The following TLE4 variants were observed in gnomAD, a reference collection of about 807,000 sequenced individuals.
TLE4 encodes TLE family member 4, transcriptional corepressor.
In TLE4, 8 loss-of-function variants were observed where a neutral mutation model predicts 92.8. That is an observed-to-expected ratio of 0.09 (90% confidence interval 0.05 to 0.16). The LOEUF is 0.16. Among genes scored for constraint, TLE4 ranks in the 10% least tolerant of loss-of-function variants. The probability of loss-of-function intolerance (pLI) is 1.00; values close to 1 mark genes in which losing one functional copy is unlikely to be tolerated. For synonymous variants in TLE4, 371 were observed against 374.1 expected (o/e 0.99, Z 0.10); for missense variants, 675 against 997.6 (o/e 0.68, Z 4.36).
intron 8 of TLE4, among the ~76,000 whole-genome samples, chr9:79,686,314 TA>T (rs2065835914): frequency 6.6e-6 from 1 of 152,192 alleles, no homozygotes; most frequent in Non-Finnish European, 1.5e-5. Flanking sequence ...AAAACTTTTT[TA>T]AAAGCTTTGA....
intron 5 of TLE4, among the ~76,000 whole-genome samples, chr9:79,626,821 T>C (rs1460464649): frequency 6.6e-6 from 1 of 152,212 alleles, no homozygotes; most frequent in Non-Finnish European, 1.5e-5. Context: ...ATGTTTTTGA[T>C]CTCTTTTTAA....
chr9:79,653,947 T>C, intron 7 of TLE4, 112 bp from the exon 8 acceptor site: 1 of 1,211,016 alleles, frequency 8.3e-7, no homozygotes, highest in Non-Finnish European at 1.2e-6. Context: ...ATTTATTATT[T>C]AGCAGAGATC....
intron 6 of TLE4, among the ~76,000 whole-genome samples, chr9:79,640,883 C>T (rs1258367988): frequency 6.6e-6 from 1 of 152,004 alleles, no homozygotes; most frequent in Non-Finnish European, 1.5e-5. Flanking sequence ...TTTACACACT[C>T]AAGCTTAAAA....
chr9:79,615,898 T>C (rs140387382), intron 5 of TLE4, among the ~76,000 whole-genome samples: 2 of 152,306 alleles, frequency 1.3e-5, no homozygotes, highest in South Asian at 2.1e-4. Context: ...GACAAAGATA[T>C]TGCCAACTCT....
intron 8 of TLE4, among the ~76,000 whole-genome samples, chr9:79,691,724 G>A (rs2067122014): frequency 6.6e-6 from 1 of 152,136 alleles, no homozygotes; most frequent in African/African-American, 2.4e-5. Context: ...CTGTCAGGAG[G>A]TTTGGCTCCA....
At chr9:79,658,298 G>C (rs1048930341) in intron 8 of TLE4, among the ~76,000 whole-genome samples, 1 of 152,122 alleles carries the variant, frequency 6.6e-6, no homozygotes, top group African/African-American at 2.4e-5. Context: ...AGTATGGATG[G>C]TGCACTTTAT....
chr9:79,621,767 T>C (rs927560368), intron 5 of TLE4, among the ~76,000 whole-genome samples: 3 of 152,186 alleles, frequency 2.0e-5, no homozygotes, highest in Non-Finnish European at 4.4e-5. Flanking sequence ...TTGTTAATAG[T>C]GCCTGGGGTA....
chr9:79,624,725 A>G (rs1027354144), intron 5 of TLE4, among the ~76,000 whole-genome samples: 3 of 152,228 alleles, frequency 2.0e-5, no homozygotes, highest in African/African-American at 4.8e-5. Flanking sequence ...ATCTTTGCCC[A>G]TTTTAGCAAT....
chr9:79,679,963 T>TC, intron 8 of TLE4, among the ~76,000 whole-genome samples: 1 of 152,058 alleles, frequency 6.6e-6, no homozygotes, highest in Non-Finnish European at 1.5e-5. Context: ...TCTGTTCTGT[T>TC]CCATTGATCT....
intron 8 of TLE4, among the ~76,000 whole-genome samples, chr9:79,658,101 T>A (rs192920503): frequency 9.9e-4 from 151 of 152,342 alleles, no homozygotes; most frequent in Admixed American, 1.6e-3. Flanking sequence ...CATTGGAATG[T>A]CTTCAAGCCC....
At chr9:79,601,555 T>C (rs1404378980) in intron 4 of TLE4, 5 of 444,408 alleles carry the variant, frequency 1.1e-5, no homozygotes, top group African/African-American at 8.1e-5. Flanking sequence ...ACTTTATCTG[T>C]TACATGATTT....
Position 79,574,904 on chromosome 9 carries a change from G to A in TLE4, c.175G>A (p.Glu59Lys). ...GCTGGAATGTGAGAAACTCGCCAGTGAGAAGACAGAGATGCAGCGGCATTA... is the reference window on the plus strand; with the variant it reads ...GCTGGAATGTGAGAAACTCGCCAGTAAGAAGACAGAGATGCAGCGGCATTA... ...LKLECEKLAS[E>K]KTEMQRHYVM... Residue 59 changes from glutamate to lysine, a missense_variant, in exon 3 of 20, where the codon GAG (glutamate) becomes AAG (lysine). This residue lies in a region of TLE4 where 68 missense variants were observed against 141.2 expected (regional missense o/e 0.48). Transcript: ENST00000376552. The A allele has an allele frequency of 6.2e-7, 1 of 1,613,624 alleles. No homozygotes were observed. The highest frequency in any genetic ancestry group is 8.5e-7 in the Non-Finnish European group (1 of 1,179,700).
intron 6 of TLE4, among the ~76,000 whole-genome samples, chr9:79,638,278 T>C (rs2133866543): frequency 6.6e-6 from 1 of 152,284 alleles, no homozygotes; most frequent in South Asian, 2.1e-4. Context: ...AGTTCTATCT[T>C]TGAAATTACT....
intron 14 of TLE4, chr9:79,718,211 G>A (rs914387140): frequency 1.3e-5 from 5 of 388,006 alleles, no homozygotes; most frequent in African/African-American, 2.1e-5. Flanking sequence ...TCATTTCAAC[G>A]TCTAAGCCTA....
At chr9:79,681,800 GAGAC>G (rs1016456037) in intron 8 of TLE4, among the ~76,000 whole-genome samples, 17 of 148,484 alleles carry the variant, frequency 1.1e-4, no homozygotes, top group Admixed American at 9.6e-4. Context: ...GGGAGAGAGG[GAGAC>G]AGAGAGAGAG....
chr9:79,628,591 C>A (rs1378717279), intron 6 of TLE4, among the ~76,000 whole-genome samples: 5 of 149,722 alleles, frequency 3.3e-5, no homozygotes, highest in Admixed American at 1.3e-4. Flanking sequence ...AAAAAAAAAA[C>A]CAAAAAAACA....
chr9:79,623,603 T>C (rs1467857323), intron 5 of TLE4, among the ~76,000 whole-genome samples: 1 of 151,894 alleles, frequency 6.6e-6, no homozygotes, highest in Non-Finnish European at 1.5e-5. Context: ...TACTGAGGTA[T>C]AATTTACACA....
chr9:79,584,978 T>C (rs1444166535), intron 4 of TLE4, among the ~76,000 whole-genome samples: 1 of 152,226 alleles, frequency 6.6e-6, no homozygotes, highest in South Asian at 2.1e-4. Flanking sequence ...TTACTATTAA[T>C]AGGTCTGTGT....
chr9:79,572,800 G>C lies in TLE4; in HGVS notation c.10G>C (p.Asp4His). Residue 4 changes from aspartate to histidine, a missense_variant, in exon 1 of 20, where the codon GAC (aspartate) becomes CAC (histidine). Physicochemically the swap from Asp to His is moderately conservative, Grantham distance 81. Coordinates refer to ENST00000376552, the MANE Select transcript of TLE4 (RefSeq NM_007005.6). ...AACTAAATCGGCTTGGATGATTCGC[G>C]ACCTGAGCAAGATGTACCCGCAGAC... MIRDLSKMYPQTRH... is the reference protein window; with the variant it reads MIRHLSKMYPQTRH... The C allele has an allele frequency of 6.2e-7, 1 of 1,602,110 alleles. No individual in the cohort carries two copies. The highest frequency in any genetic ancestry group is 1.7e-5 in the Admixed American group (1 of 58,948).
Sources: gnomAD v4.1 joint callset for allele counts (sites outside exome capture counted in the v4.1 genomes callset) on GRCh38, gnomAD v4.1.1 for gene constraint, gnomAD v4.1.1 regional missense constraint, MANE v1.5 for transcripts, NCBI Gene and HGNC (gene_info 2026-07-23, HGNC 2026-07-21) for gene names.